Variants in MEMO1 observed in about 807,000 individuals in gnomAD.
MEMO1 encodes the protein mediator of cell motility 1.
A neutral mutation model predicts 45.2 loss-of-function variants in MEMO1; 6 were observed. The ratio of observed to expected loss-of-function variants is 0.13; its 90% CI spans 0.07 to 0.26. The LOEUF is 0.26. Among genes scored for constraint, MEMO1 ranks in the 10% least tolerant of loss-of-function variants. The pLI is 1.00. For synonymous variants in MEMO1, 78 were observed against 124.3 expected (o/e 0.63, Z 2.48); for missense variants, 184 against 370.5 (o/e 0.50, Z 4.13).
intron 2 of MEMO1, among the ~76,000 whole-genome samples, chr2:31,987,648 G>A (rs1208918725): frequency 6.6e-6 from 1 of 152,146 alleles, no homozygotes; most frequent in Non-Finnish European, 1.5e-5. Context: ...AGATAGCTCT[G>A]GGTGTTGAAA....
intron 3 of MEMO1, among the ~76,000 whole-genome samples, chr2:31,933,346 AAAATTTATAT>A (rs1664476510): frequency 2.7e-4 from 7 of 25,518 alleles, no homozygotes; most frequent in African/African-American, 1.1e-3. Context: ...AAAAAAAAAA[AAAATTTATAT>A]ATATATATAT....
chr2:31,903,426 G>A (rs865831878), intron 6 of MEMO1, among the ~76,000 whole-genome samples: 3 of 147,454 alleles, frequency 2.0e-5, no homozygotes, highest in African/African-American at 5.0e-5. Flanking sequence ...ACAGGGGGGT[G>A]GGGGGGGACA....
chr2:31,895,682 A>G (rs1187494170), intron 6 of MEMO1, among the ~76,000 whole-genome samples: 5 of 152,192 alleles, frequency 3.3e-5, no homozygotes, highest in Non-Finnish European at 7.4e-5. Context: ...AAAATATTAC[A>G]AGAAATAACT....
At chr2:31,917,880 T>A (rs763366130) in intron 6 of MEMO1, 46 bp downstream of exon 6, 3 of 1,306,104 alleles carry the variant, frequency 2.3e-6, no homozygotes, top group Non-Finnish European at 3.2e-6. Flanking sequence ...ACCAAAGAAA[T>A]TAATGTCTAT....
intron 7 of MEMO1, among the ~76,000 whole-genome samples, chr2:31,891,454 A>T (rs1431188673): frequency 1.3e-5 from 2 of 152,140 alleles, no homozygotes; most frequent in Non-Finnish European, 1.5e-5. Context: ...TTATAAAAAC[A>T]TTACCAATGA....
At chr2:32,002,060 C>G (rs182252411) in intron 2 of MEMO1, among the ~76,000 whole-genome samples, 2 of 147,062 alleles carry the variant, frequency 1.4e-5, no homozygotes, top group Admixed American at 1.4e-4. Context: ...GCAGGGGAAT[C>G]GCTTGAACCA....
At chr2:32,003,397 A>G (rs899741278) in intron 2 of MEMO1, among the ~76,000 whole-genome samples, 19 of 152,230 alleles carry the variant, frequency 1.2e-4, no homozygotes, top group African/African-American at 4.3e-4. Flanking sequence ...CAATAATATA[A>G]CCACTATTTG....
rs66617379 is a variant in MEMO1, at chr2:32,001,032, A to ATTTTTTT, written c.61+9148_61+9154dup. Among the ~76,000 whole-genome samples the ATTTTTTT allele has an allele frequency of 9.4e-4, 98 of 104,508 alleles. 2 individuals carry two copies. Among genetic ancestry groups the ATTTTTTT allele is most frequent in the East Asian group, 2.3e-3 (8 of 3,506 alleles). 68.6% of individuals were successfully genotyped at this position (104,508 alleles called of 152,430 possible). A position where few individuals can be genotyped will look rare whatever the true frequency, so the allele number is the denominator to read the frequency against. On this transcript the variant is annotated intron_variant, in intron 2 of 9. Coordinates refer to ENST00000404530, the MANE Select transcript of MEMO1 (RefSeq NM_001301833.4). ...CTCTTCAGAAGTGCCATAAATTTTG[A>ATTTTTTT]TTTTTTTTTTTTTTTTTTTTTTTGA... is the stretch of plus-strand genomic sequence containing the variant.
intron 4 of MEMO1, among the ~76,000 whole-genome samples, chr2:31,930,811 A>ATTTTTTTTTTTTTTTTTTTTTTTT (rs376524077): frequency 3.2e-5 from 4 of 126,078 alleles, no homozygotes; most frequent in South Asian, 2.6e-4. Context: ...ACGCCTGGCA[A>ATTTTTTTTTTTTTTTTTTTTTTTT]TTTTTTTTTT....
At chr2:31,901,560 G>C (rs1230075786) in intron 6 of MEMO1, among the ~76,000 whole-genome samples, 1 of 152,004 alleles carries the variant, frequency 6.6e-6, no homozygotes, top group African/African-American at 2.4e-5. Flanking sequence ...GAGACTGAGA[G>C]TAAGAACAAG....
chr2:31,925,336 C>A (rs1399607330), intron 4 of MEMO1, among the ~76,000 whole-genome samples: 2 of 151,804 alleles, frequency 1.3e-5, no homozygotes, highest in Non-Finnish European at 2.9e-5. Context: ...ATTAGCCAGG[C>A]GTGGTGGCAC....
At chr2:31,888,496 A>T (rs1282928434) in intron 7 of MEMO1, among the ~76,000 whole-genome samples, 1 of 152,114 alleles carries the variant, frequency 6.6e-6, no homozygotes, top group Non-Finnish European at 1.5e-5. Context: ...AAACAGAATG[A>T]AAATTCTACT....
At chr2:31,943,565 T>A (rs1483898828) in intron 2 of MEMO1, among the ~76,000 whole-genome samples, 182 bp from the exon 3 acceptor site, 2 of 152,230 alleles carry the variant, frequency 1.3e-5, no homozygotes, top group African/African-American at 4.8e-5. Flanking sequence ...AGCCATATGA[T>A]AAGGCCAAAT....
At chr2:31,989,689 T>A (rs1201944893) in intron 2 of MEMO1, among the ~76,000 whole-genome samples, 2 of 152,236 alleles carry the variant, frequency 1.3e-5, no homozygotes, top group Non-Finnish European at 2.9e-5. Flanking sequence ...GTGTTGACTT[T>A]CATAGATATA....
chr2:31,880,809 A>C (rs1309618518), intron 8 of MEMO1, among the ~76,000 whole-genome samples: 1 of 152,172 alleles, frequency 6.6e-6, no homozygotes. Flanking sequence ...TAAAAAATTA[A>C]AATAAGTATC....
At chr2:31,957,058 CT>C (rs1477221310) in intron 2 of MEMO1, among the ~76,000 whole-genome samples, 1 of 151,240 alleles carries the variant, frequency 6.6e-6, no homozygotes, top group Non-Finnish European at 1.5e-5. Context: ...AGGAGAATCA[CT>C]TGAACCAGGG....
chr2:31,954,325 T>C (rs1667167614), intron 2 of MEMO1, among the ~76,000 whole-genome samples: 1 of 152,208 alleles, frequency 6.6e-6, no homozygotes, highest in East Asian at 1.9e-4. Flanking sequence ...GGCTCATGCC[T>C]GTAATCCCAG....
chr2:31,949,012 C>T (rs1666503142), intron 2 of MEMO1, among the ~76,000 whole-genome samples: 2 of 152,142 alleles, frequency 1.3e-5, no homozygotes, highest in Non-Finnish European at 2.9e-5. Context: ...TGAAAAGGTG[C>T]TCAACATCAC....
chr2:31,991,703 T>A (rs948317922), intron 2 of MEMO1, among the ~76,000 whole-genome samples: 2 of 151,698 alleles, frequency 1.3e-5, no homozygotes, highest in Admixed American at 6.6e-5. Context: ...AATTTCTAAG[T>A]TGCTCTGATC....
Sources: gnomAD v4.1 joint callset for allele counts (sites outside exome capture counted in the v4.1 genomes callset) on GRCh38, gnomAD v4.1.1 for gene constraint, MANE v1.5 for transcripts, NCBI Gene and HGNC (gene_info 2026-07-23, HGNC 2026-07-21) for gene names.